C9: variants seen among roughly 807,000 people sequenced by gnomAD.
C9 encodes complement C9.
In C9, 63 loss-of-function variants were observed where a neutral mutation model predicts 65.4. That is an observed-to-expected ratio of 0.96 (90% CI 0.79 to 1.19). The LOEUF is 1.19. Ranked by LOEUF, C9 falls within the 50% of genes most tolerant of loss-of-function variation. C9 has a pLI of 0.00. For missense variants in C9, 744 were observed against 670.1 expected, an observed-to-expected ratio of 1.11 and a Z score of -1.22; for synonymous variants, 229 against 227.9, an observed-to-expected ratio of 1.00 and a Z score of -0.04.
chr5:39,322,994 T>C (rs1753690051), intron 5 of C9, among the ~76,000 whole-genome samples: 1 of 152,020 alleles, frequency 6.6e-6, no homozygotes. Flanking sequence ...GCTGTACAAC[T>C]GATACCACAG....
At chr5:39,359,112 A>G (rs1410244894) in intron 1 of C9, among the ~76,000 whole-genome samples, 8 of 141,278 alleles carry the variant, frequency 5.7e-5, no homozygotes, top group Admixed American at 2.2e-4. Flanking sequence ...GTATATATAT[A>G]TATATATATA....
chr5:39,343,882 G>A (rs2111959427), intron 1 of C9, among the ~76,000 whole-genome samples: 1 of 135,728 alleles, frequency 7.4e-6, no homozygotes, highest in South Asian at 2.1e-4. Context: ...TCACTGTTCT[G>A]CAGCCTCCGC....
chr5:39,354,557 T>C (rs540689707), intron 1 of C9, among the ~76,000 whole-genome samples: 25 of 152,342 alleles, frequency 1.6e-4, no homozygotes, highest in Middle Eastern at 3.4e-3. Flanking sequence ...CATTATATCA[T>C]TACCCAAGAT....
intron 10 of C9, among the ~76,000 whole-genome samples, chr5:39,285,617 A>G (rs965430072): frequency 6.6e-6 from 1 of 152,108 alleles, no homozygotes; most frequent in Admixed American, 6.6e-5. Flanking sequence ...AATTCAAAAA[A>G]CAAAAAACCC....
intron 5 of C9, among the ~76,000 whole-genome samples, chr5:39,321,103 T>G (rs1446330918): frequency 6.6e-6 from 1 of 152,070 alleles, no homozygotes; most frequent in Non-Finnish European, 1.5e-5. Flanking sequence ...AATTCACTGG[T>G]AAAATTAAGT....
chr5:39,337,848 A>G (rs1753997871), intron 4 of C9, among the ~76,000 whole-genome samples: 2 of 152,254 alleles, frequency 1.3e-5, no homozygotes, highest in South Asian at 4.1e-4. Flanking sequence ...AAATGAAAAC[A>G]GTATAAATTA....
intron 4 of C9, among the ~76,000 whole-genome samples, chr5:39,334,683 G>A (rs1237316346): frequency 7.3e-5 from 11 of 151,234 alleles, no homozygotes; most frequent in African/African-American, 2.5e-4. Context: ...CGCCCAGTCC[G>A]GGAGGGAGGT....
intron 9 of C9, among the ~76,000 whole-genome samples, chr5:39,298,746 T>C (rs1753231450): frequency 6.6e-6 from 1 of 151,848 alleles, no homozygotes; most frequent in Admixed American, 6.6e-5. Context: ...TATTTTACAG[T>C]TAGCATTACT....
chr5:39,293,487 A>G (rs1753131728), intron 9 of C9, among the ~76,000 whole-genome samples: 1 of 152,032 alleles, frequency 6.6e-6, no homozygotes, highest in South Asian at 2.1e-4. Flanking sequence ...ATATAATAAT[A>G]AAGGGATCAA....
In C9 at chr5:39,315,871, T is replaced by C. The variant is rs774610867; in HGVS notation, c.774A>G (p.Thr258=). ...TNKAEQCCEE[T]ASSISLHGKG... Reference sequence around the variant, plus strand: ...TGCCATGTAAAGAAATTGAGGAGGCTGTTTCCTCACAACATTGTTCAGCTT... The same window carrying C: ...TGCCATGTAAAGAAATTGAGGAGGCCGTTTCCTCACAACATTGTTCAGCTT... The change falls in exon 6 of 11, where the codon ACA becomes ACG. Residue 258 remains threonine (T), a synonymous_variant. Transcript: ENST00000263408. The C allele has an allele frequency of 6.2e-7, 1 of 1,612,314 alleles. No homozygotes were observed. The highest frequency in any genetic ancestry group is 8.5e-7 in the Non-Finnish European group (1 of 1,178,428).
intron 9 of C9, among the ~76,000 whole-genome samples, chr5:39,305,730 T>A (rs1015581443): frequency 3.3e-5 from 5 of 152,090 alleles, no homozygotes; most frequent in Non-Finnish European, 5.9e-5. Context: ...GAATAAGAAC[T>A]TGACTATGAA....
At chr5:39,354,918 C>T (rs1413314957) in intron 1 of C9, among the ~76,000 whole-genome samples, 2 of 152,110 alleles carry the variant, frequency 1.3e-5, no homozygotes, top group Non-Finnish European at 2.9e-5. Context: ...GTAAAGGAAT[C>T]TCATTGGAAC....
rs766354126 is a variant in C9, at chr5:39,306,667, CA to C, written c.1365del (p.Phe455LeufsTer8). Reference protein sequence around the residue: ...LRGTVIDVTDFVNWASSINDA... With the variant: ...LRGTVIDVTDXVNWASSINDA... ...TCATTTATGGAAGAGGCCCAGTTGACAAAGTCAGTCACATCAATCACGGTTC... is the reference window on the plus strand; with the variant it reads ...TCATTTATGGAAGAGGCCCAGTTGACAAGTCAGTCACATCAATCACGGTTC... On this transcript the variant is annotated frameshift_variant, in exon 9 of 11. Transcript: ENST00000263408. LOFTEE classifies it high-confidence loss of function. 2 of 1,613,808 alleles carry C rather than the reference CA, an allele frequency of 1.2e-6. No homozygotes were observed. The highest frequency in any genetic ancestry group is 2.2e-5 in the South Asian group (2 of 91,082).
At chr5:39,313,472 C>T (rs889700055) in intron 6 of C9, among the ~76,000 whole-genome samples, 5 of 152,088 alleles carry the variant, frequency 3.3e-5, no homozygotes, top group African/African-American at 1.2e-4. Context: ...ATTTTCTTGT[C>T]TTCTAGGCCA....
intron 7 of C9, among the ~76,000 whole-genome samples, chr5:39,308,831 A>C (rs1753426455): frequency 6.6e-6 from 1 of 152,112 alleles, no homozygotes; most frequent in Non-Finnish European, 1.5e-5. Flanking sequence ...TAACCTACTA[A>C]TGGCTCATTA....
At chr5:39,349,708 C>A (rs1214135449) in intron 1 of C9, among the ~76,000 whole-genome samples, 1 of 152,192 alleles carries the variant, frequency 6.6e-6, no homozygotes, top group Non-Finnish European at 1.5e-5. Flanking sequence ...TCCTTTCAGT[C>A]CTTATCTTAC....
chr5:39,316,107 A>G, intron 5 of C9, 78 bp from the exon 6 acceptor site: 3 of 1,229,048 alleles, frequency 2.4e-6, no homozygotes, highest in Middle Eastern at 2.5e-4. Context: ...AACCAAAGAG[A>G]AGTCAAACAA....
intron 6 of C9, 40 bp downstream of exon 6, chr5:39,315,734 TG>T: frequency 6.8e-7 from 1 of 1,460,906 alleles, no homozygotes; most frequent in Non-Finnish European, 9.5e-7. Context: ...CTGGGTAGTT[TG>T]GAACCTTTCT....
intron 8 of C9, among the ~76,000 whole-genome samples, chr5:39,307,229 T>A (rs1366350157): frequency 6.6e-6 from 1 of 152,218 alleles, no homozygotes; most frequent in Non-Finnish European, 1.5e-5. Context: ...AAAAGTAACA[T>A]TTCTTTCCAC....
Sources: gnomAD v4.1 joint callset for allele counts (sites outside exome capture counted in the v4.1 genomes callset) on GRCh38, gnomAD v4.1.1 for gene constraint, MANE v1.5 for transcripts, NCBI Gene and HGNC (gene_info 2026-07-23, HGNC 2026-07-21) for gene names.